SAMMSON: variants seen among roughly 807,000 people sequenced by gnomAD.
SAMMSON encodes survival associated mitochondrial melanoma specific oncogenic non-coding RNA.
At chr3:70,340,772 C>T (rs768884550) in intron 7 of SAMMSON, among the ~76,000 whole-genome samples, 5 of 152,092 alleles carry the variant, frequency 3.3e-5, no homozygotes, top group African/African-American at 1.2e-4. Context: ...CACCTGGTCT[C>T]CTCCTGATTT....
At chr3:70,236,495 T>A (rs1701610367) in intron 4 of SAMMSON, among the ~76,000 whole-genome samples, 1 of 152,232 alleles carries the variant, frequency 6.6e-6, no homozygotes, top group East Asian at 1.9e-4. Flanking sequence ...TAAGCCTTCA[T>A]GTATTAGCAA....
chr3:70,231,926 A>G (rs537683904), intron 4 of SAMMSON, among the ~76,000 whole-genome samples: 6 of 152,120 alleles, frequency 3.9e-5, no homozygotes, highest in Admixed American at 2.0e-4. Context: ...CTGATGCTAC[A>G]CCAAATAACA....
At chr3:70,079,782 A>G (rs1274002121) in intron 4 of SAMMSON, among the ~76,000 whole-genome samples, 1 of 152,138 alleles carries the variant, frequency 6.6e-6, no homozygotes, top group African/African-American at 2.4e-5. Context: ...AGGCATCTGT[A>G]CTAGATTCTT....
At chr3:70,429,496 C>A (rs1348473532) in intron 2 of SAMMSON, among the ~76,000 whole-genome samples, 1 of 145,246 alleles carries the variant, frequency 6.9e-6, no homozygotes. Context: ...TTTTCTAATT[C>A]TATGAAGAAA....
chr3:70,301,963 A>G (rs759819958), intron 7 of SAMMSON, among the ~76,000 whole-genome samples: 2 of 152,116 alleles, frequency 1.3e-5, no homozygotes, highest in Non-Finnish European at 2.9e-5. Context: ...ATCATGAAGC[A>G]CTTTTCTTTA....
intron 3 of SAMMSON, among the ~76,000 whole-genome samples, chr3:70,041,850 T>C (rs1400232391): frequency 6.6e-6 from 1 of 152,068 alleles, no homozygotes; most frequent in Non-Finnish European, 1.5e-5. Context: ...CCTGTACTTA[T>C]AATAGGAAGC....
chr3:70,226,637 C>T (rs1294089368), intron 4 of SAMMSON, among the ~76,000 whole-genome samples: 1 of 150,638 alleles, frequency 6.6e-6, no homozygotes, highest in African/African-American at 2.4e-5. Context: ...TCTCGGGAGG[C>T]TGAGGCAGGA....
intron 4 of SAMMSON, among the ~76,000 whole-genome samples, chr3:70,184,814 C>T (rs1701080349): frequency 6.6e-6 from 1 of 152,128 alleles, no homozygotes; most frequent in Admixed American, 6.5e-5. Context: ...AGGCAAAATA[C>T]CTCTCAGCAC....
chr3:70,142,546 G>A (rs1276030995), intron 4 of SAMMSON, among the ~76,000 whole-genome samples: 1 of 152,010 alleles, frequency 6.6e-6, no homozygotes, highest in African/African-American at 2.4e-5. Flanking sequence ...GGAAAGGGTG[G>A]GAAAGGGGTG....
chr3:70,136,162 G>C (rs550880408), intron 4 of SAMMSON, among the ~76,000 whole-genome samples: 1 of 152,168 alleles, frequency 6.6e-6, no homozygotes, highest in Non-Finnish European at 1.5e-5. Flanking sequence ...GTAGTTGCCA[G>C]CTTCCAAGAT....
chr3:70,059,834 C>G (rs142665103), intron 3 of SAMMSON, among the ~76,000 whole-genome samples: 25 of 152,124 alleles, frequency 1.6e-4, no homozygotes, highest in African/African-American at 5.5e-4. Flanking sequence ...GTGAATGACA[C>G]CAGCATTTAT....
intron 4 of SAMMSON, among the ~76,000 whole-genome samples, chr3:70,132,367 G>A (rs1485418111): frequency 6.6e-6 from 1 of 152,122 alleles, no homozygotes; most frequent in Non-Finnish European, 1.5e-5. Flanking sequence ...ACATTTAAAT[G>A]TTAAGTCTCC....
intron 4 of SAMMSON, chr3:70,125,748 G>T: frequency 1.5e-6 from 1 of 670,290 alleles, no homozygotes; most frequent in South Asian, 1.6e-5. Context: ...ACGAAAGTAT[G>T]TTCAACATAT....
At chr3:70,153,297 T>C (rs1229382751) in intron 4 of SAMMSON, among the ~76,000 whole-genome samples, 1 of 151,928 alleles carries the variant, frequency 6.6e-6, no homozygotes, top group Non-Finnish European at 1.5e-5. Flanking sequence ...GAAAAAGCTG[T>C]CACAGCATCA....
chr3:70,377,257 G>A (rs959856318), intron 9 of SAMMSON, among the ~76,000 whole-genome samples: 4 of 152,078 alleles, frequency 2.6e-5, no homozygotes, highest in South Asian at 2.1e-4. Flanking sequence ...AATTAAGATC[G>A]GCTATAATTT....
chr3:70,255,503 C>T (rs949902869), intron 6 of SAMMSON, among the ~76,000 whole-genome samples: 1 of 152,182 alleles, frequency 6.6e-6, no homozygotes, highest in South Asian at 2.1e-4. Flanking sequence ...TTAACTGCAG[C>T]CTTGACCACC....
intron 4 of SAMMSON, among the ~76,000 whole-genome samples, chr3:70,156,811 A>G (rs1467705254): frequency 6.6e-6 from 1 of 152,094 alleles, no homozygotes; most frequent in Non-Finnish European, 1.5e-5. Flanking sequence ...CTACTTTAAG[A>G]AACAGAAATT....
chr3:70,219,928 G>A (rs570779087), intron 4 of SAMMSON, among the ~76,000 whole-genome samples: 19 of 152,224 alleles, frequency 1.2e-4, no homozygotes, highest in East Asian at 3.9e-4. Context: ...ATGGTACTGC[G>A]ATGTATTTCC....
intron 2 of SAMMSON, among the ~76,000 whole-genome samples, chr3:70,429,180 A>C (rs1701394059): frequency 6.6e-6 from 1 of 152,192 alleles, no homozygotes; most frequent in Non-Finnish European, 1.5e-5. Flanking sequence ...AGTTTTCTGC[A>C]TATGGCTAGC....
Sources: allele counts gnomAD v4.1 joint callset (sites outside exome capture counted in the v4.1 genomes callset), GRCh38; gene constraint gnomAD v4.1.1; transcripts MANE v1.5; gene names NCBI Gene and HGNC (gene_info 2026-07-23, HGNC 2026-07-21).